Variants in SLC30A5 observed in about 807,000 individuals in gnomAD.
SLC30A5 encodes solute carrier family 30 member 5, also known as proton-coupled zinc antiporter SLC30A5.
SLC30A5 carries 33 observed loss-of-function variants against 79.6 expected under a neutral mutation model. The ratio of observed to expected loss-of-function variants is 0.41; its 90% CI spans 0.31 to 0.55. SLC30A5 has a LOEUF of 0.55. Ranked by LOEUF, SLC30A5 falls within the 20% of genes least tolerant of loss-of-function variation. The pLI is 0.20. For missense variants in SLC30A5, 788 were observed against 928.1 expected (o/e 0.85, Z 1.96); for synonymous variants, 299 against 319.7 (o/e 0.94, Z 0.69).
intron 4 of SLC30A5, among the ~76,000 whole-genome samples, chr5:69,107,120 C>T (rs1310072366): frequency 6.6e-6 from 1 of 152,140 alleles, no homozygotes; most frequent in Non-Finnish European, 1.5e-5. Flanking sequence ...TTCTCACCCT[C>T]CCAAAGTGCT....
intron 5 of SLC30A5, among the ~76,000 whole-genome samples, chr5:69,110,149 C>T (rs747797029): frequency 1.2e-4 from 19 of 152,132 alleles, no homozygotes; most frequent in South Asian, 4.1e-4. Flanking sequence ...ACGCCTTAAG[C>T]TTTTAGGCTT....
intron 5 of SLC30A5, among the ~76,000 whole-genome samples, chr5:69,110,997 CTTT>C (rs565058785): frequency 7.0e-6 from 1 of 142,782 alleles, no homozygotes; most frequent in Non-Finnish European, 1.5e-5. Context: ...ATTGTTTTTT[CTTT>C]TTTTTTTTTT....
At chr5:69,104,194 G>A (rs895434869) in intron 3 of SLC30A5, 32 of 982,008 alleles carry the variant, frequency 3.3e-5, no homozygotes, top group Non-Finnish European at 4.0e-5. Flanking sequence ...CTGCAGTGCA[G>A]TGACACGATC....
rs1345417254 is a variant in SLC30A5 at position 69,116,930 on chromosome 5, G to T, written c.1282-309G>T. 6.6e-6 allele frequency among the ~76,000 whole-genome samples: 1 copy of T among 152,160 alleles called. No individual in the cohort carries two copies. On this transcript the variant is annotated intron_variant, in intron 10 of 15. Transcript: ENST00000396591. This position sits in a 1 kb window ranked among gnomAD's most constrained non-coding sequence, Gnocchi z 4.0. Reference sequence around the variant, plus strand: ...CAGGATCTCACTATTAGCAATCAGTGTTATAAATCACCTATTGCTAACATT... The same window carrying T: ...CAGGATCTCACTATTAGCAATCAGTTTTATAAATCACCTATTGCTAACATT...
chr5:69,113,033 G>T, intron 5 of SLC30A5, 107 bp from the exon 6 acceptor site: 1 of 852,096 alleles, frequency 1.2e-6, no homozygotes, highest in Non-Finnish European at 1.8e-6. Context: ...ATGCATTTTT[G>T]TAAATGCTTA....
intron 2 of SLC30A5, among the ~76,000 whole-genome samples, chr5:69,101,818 G>T (rs1213996496): frequency 6.6e-6 from 1 of 150,636 alleles, no homozygotes; most frequent in African/African-American, 2.4e-5. Flanking sequence ...TTAGCCAAGC[G>T]TGGTGGCATG....
At chr5:69,124,291 A>G (rs971415931) in intron 14 of SLC30A5, among the ~76,000 whole-genome samples, 5 of 151,964 alleles carry the variant, frequency 3.3e-5, no homozygotes. Flanking sequence ...ATAATAAAAA[A>G]TGAAAATAAA....
At chr5:69,125,671 T>A (rs1746660899) in intron 14 of SLC30A5, among the ~76,000 whole-genome samples, 1 of 148,456 alleles carries the variant, frequency 6.7e-6, no homozygotes, top group Admixed American at 6.7e-5. Context: ...CCGTCTCTAC[T>A]AAAAAAAAAT....
In SLC30A5 at chr5:69,094,241, CT is replaced by C; in HGVS notation, c.-14del. On this transcript the variant is annotated 5_prime_UTR_variant, in exon 1 of 16. It removes the in-frame stop codon of an upstream open reading frame in the 5' UTR. Transcript: ENST00000396591. ...CCCGCGACAGGGGCAGCGGCGGCGGCTCGTGAGCCCCGGGATGGAGGAGAAA... is the reference window on the plus strand; with the variant it reads ...CCCGCGACAGGGGCAGCGGCGGCGGCCGTGAGCCCCGGGATGGAGGAGAAA... 1.6e-6 allele frequency: 2 copies of C among 1,217,214 alleles called. No individual in the cohort carries two copies. The highest frequency in any genetic ancestry group is 2.1e-6 in the Non-Finnish European group (2 of 957,136). The allele number at this position is 1,217,214 out of a possible 1,614,324, so 75.4% of individuals were successfully genotyped here.
At chr5:69,100,709 C>T in intron 1 of SLC30A5, 98 bp from the exon 2 acceptor site, 5 of 925,716 alleles carry the variant, frequency 5.4e-6, no homozygotes, top group South Asian at 3.9e-5. Flanking sequence ...ATGTATATTT[C>T]TGTGGTTTCT....
chr5:69,115,834 T>A (rs1746355653), intron 8 of SLC30A5, 92 bp from the exon 9 acceptor site: 2 of 1,092,792 alleles, frequency 1.8e-6, no homozygotes, highest in Non-Finnish European at 1.3e-6. Context: ...AATCATGCGA[T>A]TTTTATTTTT....
chr5:69,100,948 T>C lies in SLC30A5; in HGVS notation c.206+19T>C. On this transcript the variant is annotated intron_variant, in intron 2 of 15. Coordinates refer to ENST00000396591, the MANE Select transcript of SLC30A5 (RefSeq NM_022902.5). Reference sequence around the variant, plus strand: ...AACTTGGGTGAGTGTGGGGGGGGGTTTTTTCTTGATATTTTTTATTTCTTT... The same window carrying C: ...AACTTGGGTGAGTGTGGGGGGGGGTCTTTTCTTGATATTTTTTATTTCTTT... The C allele has an allele frequency of 3.9e-6, 5 of 1,286,028 alleles. No homozygotes were observed. The highest frequency in any genetic ancestry group is 5.3e-6 in the Non-Finnish European group (5 of 934,682). The allele number at this position is 1,286,028 out of a possible 1,614,324, so 79.7% of individuals were successfully genotyped here.
chr5:69,097,504 G>C (rs535291373), intron 1 of SLC30A5, among the ~76,000 whole-genome samples: 1 of 151,628 alleles, frequency 6.6e-6, no homozygotes, highest in South Asian at 2.1e-4. Context: ...CAGTTCCTCT[G>C]TTGCCCAGGA....
At chr5:69,095,933 G>A (rs987077798) in intron 1 of SLC30A5, among the ~76,000 whole-genome samples, 3 of 151,616 alleles carry the variant, frequency 2.0e-5, no homozygotes, top group Non-Finnish European at 2.9e-5. Flanking sequence ...TTAGTTGGAC[G>A]TGGTATGCGC....
intron 12 of SLC30A5, among the ~76,000 whole-genome samples, chr5:69,119,888 C>T (rs1488470615): frequency 1.3e-5 from 2 of 151,732 alleles, no homozygotes; most frequent in Non-Finnish European, 2.9e-5. Flanking sequence ...GGCATGATGG[C>T]GCACACCTGT....
intron 3 of SLC30A5, 90 bp from the exon 4 acceptor site, chr5:69,104,538 GTTA>G (rs1315236095): frequency 3.2e-5 from 45 of 1,409,126 alleles, no homozygotes; most frequent in African/African-American, 3.2e-4. Context: ...TAAAATATTT[GTTA>G]TTATTATCTT....
At chr5:69,111,289 G>A (rs1479883230) in intron 5 of SLC30A5, among the ~76,000 whole-genome samples, 1 of 150,166 alleles carries the variant, frequency 6.7e-6, no homozygotes, top group Non-Finnish European at 1.5e-5. Flanking sequence ...ACCACGCCCG[G>A]ACTTTTTTTT....
intron 6 of SLC30A5, among the ~76,000 whole-genome samples, chr5:69,114,153 G>GTGC (rs1364587239): frequency 1.3e-5 from 2 of 152,152 alleles, no homozygotes; most frequent in Admixed American, 6.6e-5. Context: ...AATCTGGCAA[G>GTGC]TTTATCTTAA....
intron 5 of SLC30A5, among the ~76,000 whole-genome samples, chr5:69,112,070 C>T (rs984831761): frequency 2.0e-5 from 3 of 151,940 alleles, no homozygotes; most frequent in Admixed American, 2.0e-4. Context: ...GAGACCGAGG[C>T]GGGTGGATCA....
Sources: gnomAD v4.1 joint callset for allele counts (sites outside exome capture counted in the v4.1 genomes callset) on GRCh38, gnomAD v4.1.1 for gene constraint, Gnocchi (gnomAD v3.1) non-coding constraint, MANE v1.5 for transcripts, NCBI Gene and HGNC (gene_info 2026-07-23, HGNC 2026-07-21) for gene names.